Variants in PTPN3 observed in about 807,000 individuals in gnomAD.
The protein encoded by PTPN3 is tyrosine-protein phosphatase non-receptor type 3.
A neutral mutation model predicts 132.7 loss-of-function variants in PTPN3; 96 were observed. That is an observed-to-expected ratio of 0.72 (90% CI 0.61 to 0.86). The LOEUF (loss-of-function observed/expected upper bound fraction) is 0.86, where lower values mean the gene tolerates loss of function less well. Ranked by LOEUF, PTPN3 falls within the 40% of genes least tolerant of loss-of-function variation. PTPN3 has a pLI of 0.00. For missense variants in PTPN3, 1,125 were observed against 1,159.6 expected (o/e 0.97, Z 0.43); for synonymous variants, 398 against 429.0 (o/e 0.93, Z 0.89).
chr9:109,483,786 C>A (rs528302286), intron 1 of PTPN3, among the ~76,000 whole-genome samples: 1 of 152,292 alleles, frequency 6.6e-6, no homozygotes, highest in African/African-American at 2.4e-5. Flanking sequence ...TGTCTCCAAG[C>A]AGCCAGGCAG....
chr9:109,391,871 G>A lies in PTPN3; in HGVS notation c.1954-310C>T, dbSNP rs796321700. ...ACAAGAGCTAAAAGCAACTAGATGT[G>A]GGGGGGGGGGGGAAGAATTCTGGCT... On this transcript the variant is annotated intron_variant, in intron 19 of 25. Coordinates refer to ENST00000374541, the MANE Select transcript of PTPN3 (RefSeq NM_002829.4). Among the ~76,000 whole-genome samples, 7 of 16,458 alleles carry A rather than the reference G, an allele frequency of 4.3e-4. No homozygotes were observed. The South Asian group carries it at 0.013, about 30-fold the overall frequency. The allele number at this position is 16,458 out of a possible 152,430, so 10.8% of individuals were successfully genotyped here.
At chr9:109,531,467 G>C in the PTPN3 span, among the ~76,000 whole-genome samples, 2 of 152,186 alleles carry the variant, frequency 1.3e-5, no homozygotes, top group African/African-American at 4.8e-5. Context: ...GTTGGAATCA[G>C]TTGGTTCTTG....
chr9:109,489,363 C>T (rs1052438645), intron 1 of PTPN3, among the ~76,000 whole-genome samples: 1 of 152,226 alleles, frequency 6.6e-6, no homozygotes, highest in Non-Finnish European at 1.5e-5. Context: ...CCACAAACAT[C>T]AGGCCTGCAG....
Position 109,422,860 on chromosome 9 carries a change from A to G in PTPN3, c.1002-8T>C. ...TATTGGTTATTTACCGACCTGAAAAACCAGATGCAGGTTCACTTTCTACAC... is the reference window on the plus strand; with the variant it reads ...TATTGGTTATTTACCGACCTGAAAAGCCAGATGCAGGTTCACTTTCTACAC... On this transcript the variant is annotated splice_polypyrimidine_tract_variant and splice_region_variant and intron_variant, in intron 12 of 25. Coordinates refer to ENST00000374541, the MANE Select transcript of PTPN3 (RefSeq NM_002829.4). The G allele has an allele frequency of 6.2e-7, 1 of 1,612,226 alleles. No individual in the cohort carries two copies. The highest frequency in any genetic ancestry group is 1.1e-5 in the South Asian group (1 of 90,914).
intron 2 of PTPN3, among the ~76,000 whole-genome samples, chr9:109,460,484 C>G (rs999271820): frequency 6.6e-6 from 1 of 152,104 alleles, no homozygotes; most frequent in Non-Finnish European, 1.5e-5. Flanking sequence ...CATGCGATCC[C>G]CCACCCCTTA....
intron 1 of PTPN3, among the ~76,000 whole-genome samples, chr9:109,476,707 G>T (rs1846684024): frequency 6.6e-6 from 1 of 152,178 alleles, no homozygotes; most frequent in Admixed American, 6.5e-5. Flanking sequence ...ACATGAACCT[G>T]AACAAATTAA....
intron 12 of PTPN3, among the ~76,000 whole-genome samples, chr9:109,425,393 C>T (rs897872931): frequency 1.3e-5 from 2 of 152,316 alleles, no homozygotes; most frequent in East Asian, 1.9e-4. Context: ...ATCACGAAAA[C>T]AATTTTGAAA....
At chr9:109,448,017 C>A (rs753289541) in intron 6 of PTPN3, among the ~76,000 whole-genome samples, 15 of 152,158 alleles carry the variant, frequency 9.9e-5, no homozygotes, top group Non-Finnish European at 1.5e-4. Flanking sequence ...CTGGCTCATC[C>A]TAGCAATCTA....
At chr9:109,520,194 C>T in the PTPN3 span, among the ~76,000 whole-genome samples, 8 of 151,064 alleles carry the variant, frequency 5.3e-5, no homozygotes, top group Non-Finnish European at 1.2e-4. Context: ...CAAGATCATA[C>T]CAAGAAGAGG....
intron 1 of PTPN3, among the ~76,000 whole-genome samples, chr9:109,476,558 T>C (rs1398456395): frequency 1.3e-5 from 2 of 151,880 alleles, no homozygotes; most frequent in African/African-American, 4.8e-5. Flanking sequence ...ATTTCAAGAG[T>C]GGTCCGTGAC....
At chr9:109,477,983 A>T (rs1309290064) in intron 1 of PTPN3, among the ~76,000 whole-genome samples, 1 of 152,242 alleles carries the variant, frequency 6.6e-6, no homozygotes, top group Non-Finnish European at 1.5e-5. Flanking sequence ...GGAGTAACTG[A>T]TAAACAAGGG....
chr9:109,393,320 T>C (rs1436750406), intron 19 of PTPN3, among the ~76,000 whole-genome samples: 1 of 152,112 alleles, frequency 6.6e-6, no homozygotes, highest in East Asian at 1.9e-4. Flanking sequence ...TTGAAATTTT[T>C]TTTACTCAAA....
At chr9:109,476,024 C>T (rs190611710) in intron 1 of PTPN3, among the ~76,000 whole-genome samples, 176 of 152,354 alleles carry the variant, frequency 1.2e-3, no homozygotes, top group Admixed American at 1.9e-3. Context: ...CGCGAAGTCA[C>T]TAACTCACTT....
chr9:109,494,658 G>T (rs1242267821), intron 1 of PTPN3, among the ~76,000 whole-genome samples: 1 of 152,086 alleles, frequency 6.6e-6, no homozygotes, highest in Non-Finnish European at 1.5e-5. Flanking sequence ...GGAATGAATG[G>T]CTGCATCCTC....
chr9:109,383,357 C>G (rs1839280237), intron 23 of PTPN3, 66 bp downstream of exon 23: 1 of 1,612,848 alleles, frequency 6.2e-7, no homozygotes, highest in Non-Finnish European at 8.5e-7. Flanking sequence ...GCGTGACCAC[C>G]TGGGATGACA....
chr9:109,434,376 G>A (rs529903397), intron 9 of PTPN3, among the ~76,000 whole-genome samples: 89 of 144,368 alleles, frequency 6.2e-4, no homozygotes, highest in African/African-American at 2.2e-3. Context: ...TGGTGCACAC[G>A]TGGCTCACTG....
chr9:109,459,277 G>A (rs542652227), intron 2 of PTPN3, among the ~76,000 whole-genome samples: 13 of 152,246 alleles, frequency 8.5e-5, no homozygotes, highest in Non-Finnish European at 1.9e-4. Flanking sequence ...AGAGAAGAAC[G>A]ACTGATATCC....
intron 10 of PTPN3, among the ~76,000 whole-genome samples, chr9:109,431,117 C>T (rs1223958064): frequency 6.6e-6 from 1 of 152,206 alleles, no homozygotes; most frequent in Non-Finnish European, 1.5e-5. Flanking sequence ...GGCCAGGCCT[C>T]GACAGGAGCC....
Position 109,389,281 on chromosome 9 carries a change from C to A in PTPN3, c.2205G>T (p.Gln735His). Residue 735 changes from glutamine to histidine, a missense_variant, in exon 22 of 26, where the codon CAG (glutamine) becomes CAT (histidine). Coordinates refer to ENST00000374541, the MANE Select transcript of PTPN3 (RefSeq NM_002829.4). ...TCAACATGACAATGAGTGACAACTT[C>A]TGATCCCAGACAACCTGCCAAAACT... ...CAQFWQVVWDQKLSLIVMLTT... is the reference protein window; with the variant it reads ...CAQFWQVVWDHKLSLIVMLTT... 6.2e-7 allele frequency: 1 copy of A among 1,614,214 alleles called. No individual in the cohort carries two copies. Among genetic ancestry groups the A allele is most frequent in the South Asian group, 1.1e-5 (1 of 91,080 alleles).
Sources: allele counts gnomAD v4.1 joint callset (sites outside exome capture counted in the v4.1 genomes callset), GRCh38; gene constraint gnomAD v4.1.1; transcripts MANE v1.5; gene names NCBI Gene and HGNC (gene_info 2026-07-23, HGNC 2026-07-21).